The following MCPH1 variants were observed in gnomAD, a reference collection of about 807,000 sequenced individuals.
MCPH1 encodes microcephalin 1, also known as microcephalin.
In MCPH1, 104 loss-of-function variants were observed where a neutral mutation model predicts 84.5. The observed-to-expected ratio is 1.23, with a 90% CI of 1.05 to 1.45. The LOEUF is 1.45. MCPH1 is among the 40% of genes most tolerant of loss of function. MCPH1 has a pLI of 0.00. For missense variants in MCPH1, 1,498 were observed against 1,005.7 expected, an observed-to-expected ratio of 1.49 and a Z score of -6.62; for synonymous variants, 514 against 366.8, an observed-to-expected ratio of 1.40 and a Z score of -4.58.
chr8:6,601,179 G>C (rs1481991997), intron 12 of MCPH1, among the ~76,000 whole-genome samples: 1 of 152,134 alleles, frequency 6.6e-6, no homozygotes, highest in Admixed American at 6.5e-5. Context: ...CTGGGCAGCT[G>C]CACTTTCCAG....
intron 12 of MCPH1, among the ~76,000 whole-genome samples, chr8:6,598,478 G>C (rs1351335516): frequency 6.6e-6 from 1 of 152,222 alleles, no homozygotes; most frequent in African/African-American, 2.4e-5. Flanking sequence ...CGTGAGGAAT[G>C]TCGTTGTCCA....
At chr8:6,590,134 C>A (rs886894883) in intron 12 of MCPH1, among the ~76,000 whole-genome samples, 1 of 150,402 alleles carries the variant, frequency 6.6e-6, no homozygotes, top group Non-Finnish European at 1.5e-5. Flanking sequence ...TAAAGCACAC[C>A]AAGCTGAAAA....
At chr8:6,463,861 C>A (rs937599635) in intron 9 of MCPH1, among the ~76,000 whole-genome samples, 1 of 152,186 alleles carries the variant, frequency 6.6e-6, no homozygotes, top group African/African-American at 2.4e-5. Context: ...TAATGCCAGG[C>A]CTTTGGCTGT....
intron 12 of MCPH1, among the ~76,000 whole-genome samples, chr8:6,573,621 C>G (rs1826840413): frequency 6.7e-6 from 1 of 150,050 alleles, no homozygotes; most frequent in Non-Finnish European, 1.5e-5. Context: ...CCAACTTAAG[C>G]CTACTTCAAG....
Position 6,508,265 on chromosome 8 carries a change from C to A in MCPH1, c.2214+8336C>A, listed in dbSNP as rs928058203. The A allele has an allele frequency of 2.0e-5, 3 of 152,524 alleles. 1 individual carries two copies. The highest frequency in any genetic ancestry group is 6.5e-5 in the Admixed American group (1 of 15,304). The allele number at this position is 152,524 out of a possible 1,614,324, so 9.4% of individuals were successfully genotyped here. A position where few individuals can be genotyped will look rare whatever the true frequency, so the allele number is the denominator to read the frequency against. ...AGCAGTTCGAGACCAGCCTGGCAAA[C>A]ATGGTGAAACCCTCCCTCTACTAAA... On this transcript the variant is annotated intron_variant, in intron 12 of 13. Coordinates refer to ENST00000344683, the MANE Select transcript of MCPH1 (RefSeq NM_024596.5).
intron 12 of MCPH1, among the ~76,000 whole-genome samples, chr8:6,576,805 CA>C (rs2129576792): frequency 6.7e-6 from 1 of 148,370 alleles, no homozygotes; most frequent in South Asian, 2.2e-4. Flanking sequence ...GCAGGTGAGC[CA>C]CCCGCCTCGG....
At chr8:6,552,221 A>G (rs1823767223) in intron 12 of MCPH1, among the ~76,000 whole-genome samples, 1 of 152,224 alleles carries the variant, frequency 6.6e-6, no homozygotes, top group Admixed American at 6.5e-5. Context: ...TTCTTCTGCC[A>G]TAGAAACAAC....
At chr8:6,521,231 T>C (rs767280422) in intron 12 of MCPH1, 4 of 1,613,826 alleles carry the variant, frequency 2.5e-6, no homozygotes, top group Non-Finnish European at 3.4e-6. Flanking sequence ...CATGAGATCA[T>C]GTTGCTGCTT....
At chr8:6,572,868 C>CT (rs1462582321) in intron 12 of MCPH1, among the ~76,000 whole-genome samples, 2 of 152,236 alleles carry the variant, frequency 1.3e-5, no homozygotes, top group Non-Finnish European at 2.9e-5. Flanking sequence ...GGAAGCCTCC[C>CT]AAACCACGTA....
intron 8 of MCPH1, among the ~76,000 whole-genome samples, chr8:6,451,990 A>T (rs955367767): frequency 6.6e-6 from 1 of 152,242 alleles, no homozygotes; most frequent in Non-Finnish European, 1.5e-5. Flanking sequence ...GGAAAGTAGG[A>T]TGTGGAGGAA....
chr8:6,500,404 A>T (rs951725247), intron 12 of MCPH1: 1 of 157,488 alleles, frequency 6.3e-6, no homozygotes, highest in Non-Finnish European at 1.4e-5. Context: ...AAGATTAAGT[A>T]ATAATTAAGT....
At chr8:6,437,824 C>T (rs1174976761) in intron 5 of MCPH1, among the ~76,000 whole-genome samples, 1 of 152,148 alleles carries the variant, frequency 6.6e-6, no homozygotes. Flanking sequence ...CTTCTGTTTT[C>T]TCCTTCCCTC....
At chr8:6,435,695 C>A (rs979890271) in intron 4 of MCPH1, among the ~76,000 whole-genome samples, 8 of 152,128 alleles carry the variant, frequency 5.3e-5, no homozygotes, top group Non-Finnish European at 2.9e-5. Flanking sequence ...AACAGTTCAC[C>A]ATTTTGATAC....
Position 6,585,496 on chromosome 8 carries a change from G to A in MCPH1, c.2215-35958G>A, listed in dbSNP as rs554390831. ...AGCTGGAGCCATTGTCGGCCGCCTC[G>A]AAAACATGCAGTTGGGCTGCTCTGG... On this transcript the variant is annotated intron_variant, in intron 12 of 13. Coordinates refer to ENST00000344683, the MANE Select transcript of MCPH1 (RefSeq NM_024596.5). Among the ~76,000 whole-genome samples the A allele has an allele frequency of 6.3e-4, 96 of 152,352 alleles. 3 individuals are homozygous for A. The highest frequency in any genetic ancestry group is 5.5e-3 in the Admixed American group (84 of 15,308).
At chr8:6,616,503 G>A (rs1327924356) in intron 12 of MCPH1, 7 of 152,212 alleles carry the variant, frequency 4.6e-5, no homozygotes, top group Admixed American at 3.3e-4. Context: ...TAAATCAGGT[G>A]AAGACACAAA....
intron 9 of MCPH1, among the ~76,000 whole-genome samples, chr8:6,459,306 C>T (rs557391252): frequency 2.1e-5 from 3 of 145,792 alleles, no homozygotes; most frequent in East Asian, 4.0e-4. Context: ...GATGGAGTCT[C>T]GCTGTGTCAC....
intron 12 of MCPH1, among the ~76,000 whole-genome samples, chr8:6,527,124 G>A (rs935573651): frequency 2.0e-5 from 3 of 152,138 alleles, no homozygotes; most frequent in Non-Finnish European, 4.4e-5. Flanking sequence ...AAATGCCTGG[G>A]CCAGTGGTTC....
At chr8:6,541,536 G>A (rs893722013) in intron 12 of MCPH1, among the ~76,000 whole-genome samples, 11 of 152,230 alleles carry the variant, frequency 7.2e-5, no homozygotes, top group African/African-American at 2.4e-4. Flanking sequence ...TGCAGCAGCA[G>A]AGCGAATGCG....
rs1224560745 is a variant in MCPH1, at chr8:6,647,917, T to A, written c.*4868T>A. On this transcript the variant is annotated 3_prime_UTR_variant, in exon 14 of 14. Coordinates refer to ENST00000344683, the MANE Select transcript of MCPH1 (RefSeq NM_024596.5). ...CATGTGAATTATACACCAATAAAGC[T>A]ATTTTTTTTAAAAAAAAGAGAGAGA... is the stretch of plus-strand genomic sequence containing the variant. The A allele has an allele frequency of 6.7e-6, 1 of 149,210 alleles. No individual in the cohort carries two copies. Among genetic ancestry groups the A allele is most frequent in the East Asian group, 1.9e-4 (1 of 5,192 alleles). 9.2% of individuals were successfully genotyped at this position (149,210 alleles called of 1,614,324 possible).
Sources: allele counts gnomAD v4.1 joint callset (sites outside exome capture counted in the v4.1 genomes callset), GRCh38; gene constraint gnomAD v4.1.1; transcripts MANE v1.5; gene names NCBI Gene and HGNC (gene_info 2026-07-23, HGNC 2026-07-21).